Variants in MGLL observed in about 807,000 individuals in gnomAD.
The protein encoded by MGLL is lysophospholipase homolog.
In MGLL, 7 loss-of-function variants were observed where a neutral mutation model predicts 29.1. The observed-to-expected ratio is 0.24, with a 90% CI of 0.14 to 0.45. The LOEUF is 0.45. Ranked by LOEUF, MGLL falls within the 20% of genes least tolerant of loss-of-function variation. The probability of loss-of-function intolerance (pLI) is 0.99; values close to 1 mark genes in which losing one functional copy is unlikely to be tolerated. For synonymous variants in MGLL, 148 were observed against 168.3 expected (o/e 0.88, Z 0.93); for missense variants, 356 against 413.6 (o/e 0.86, Z 1.21).
intron 2 of MGLL, among the ~76,000 whole-genome samples, chr3:127,786,200 T>G (rs879445892): frequency 6.6e-6 from 1 of 152,162 alleles, no homozygotes; most frequent in Non-Finnish European, 1.5e-5. Flanking sequence ...TTGTGAGGAT[T>G]GCAGGGCTGC....
At chr3:127,722,087 C>T (rs2075937106) in intron 4 of MGLL, among the ~76,000 whole-genome samples, 1 of 152,216 alleles carries the variant, frequency 6.6e-6, no homozygotes, top group African/African-American at 2.4e-5. Flanking sequence ...GGTTTGGGGA[C>T]ATTTCATGTG....
chr3:127,712,913 C>G (rs1460571965), intron 5 of MGLL: 1 of 152,238 alleles, frequency 6.6e-6, no homozygotes, highest in Admixed American at 6.5e-5. Context: ...GGGAGCTCGT[C>G]TGCATTGGGA....
intron 3 of MGLL, among the ~76,000 whole-genome samples, chr3:127,731,880 T>G (rs1006663187): frequency 2.6e-5 from 4 of 152,222 alleles, no homozygotes; most frequent in Admixed American, 2.6e-4. Flanking sequence ...CATATCCAAT[T>G]AAAACAGATC....
At chr3:127,797,674 C>A (rs1357136440) in intron 2 of MGLL, among the ~76,000 whole-genome samples, 1 of 152,212 alleles carries the variant, frequency 6.6e-6, no homozygotes, top group Non-Finnish European at 1.5e-5. Context: ...GTGGTGTAAT[C>A]ATGGCTCACT....
chr3:127,747,613 C>T (rs997714356), intron 3 of MGLL, among the ~76,000 whole-genome samples: 2 of 152,188 alleles, frequency 1.3e-5, no homozygotes, highest in Admixed American at 1.3e-4. Flanking sequence ...TAAGAGGCCA[C>T]GGAGACTTGT....
intron 2 of MGLL, 98 bp from the exon 3 acceptor site, chr3:127,781,993 G>A (rs1344106687): frequency 1.8e-6 from 2 of 1,115,350 alleles, no homozygotes; most frequent in Non-Finnish European, 2.7e-6. Flanking sequence ...GGCCGGGGCG[G>A]GCGGATTGCC....
intron 2 of MGLL, among the ~76,000 whole-genome samples, chr3:127,790,453 C>G (rs1279394217): frequency 6.6e-6 from 1 of 152,120 alleles, no homozygotes; most frequent in Non-Finnish European, 1.5e-5. Context: ...ATTTGAAGAC[C>G]TTTCTTAACC....
chr3:127,763,673 G>T (rs1478784727), intron 3 of MGLL, among the ~76,000 whole-genome samples: 1 of 152,210 alleles, frequency 6.6e-6, no homozygotes, highest in African/African-American at 2.4e-5. Context: ...TGTGCCCTAA[G>T]CTCGGCCACT....
At position 127,691,744 on chromosome 3, in the gene MGLL, A is replaced by G. The variant is rs1229801782; in HGVS notation, c.*454T>C. ...CCCCTATGGAGACAGCAACCACCTC[A>G]TCACACGGCCAGAGGAAGGCCACCA... On this transcript the variant is annotated 3_prime_UTR_variant, in exon 8 of 8. Transcript: ENST00000265052. 1.4e-5 allele frequency: 3 copies of G among 217,882 alleles called. No homozygotes were observed. In the East Asian group the frequency reaches 4.0e-4, roughly 29 times the overall value. The allele number at this position is 217,882 out of a possible 1,614,324, so 13.5% of individuals were successfully genotyped here.
intron 3 of MGLL, among the ~76,000 whole-genome samples, chr3:127,725,239 CCTT>C (rs1196132572): frequency 6.6e-6 from 1 of 152,168 alleles, no homozygotes; most frequent in African/African-American, 2.4e-5. Flanking sequence ...TGGCTCTCCT[CCTT>C]CTCATCTGGC....
intron 3 of MGLL, among the ~76,000 whole-genome samples, chr3:127,778,486 G>A (rs1576277632): frequency 1.3e-5 from 2 of 152,192 alleles, no homozygotes; most frequent in South Asian, 4.1e-4. Flanking sequence ...CAGATCACAC[G>A]GCTTGGACTC....
At chr3:127,760,074 G>T (rs934294008) in intron 3 of MGLL, among the ~76,000 whole-genome samples, 2 of 152,204 alleles carry the variant, frequency 1.3e-5, no homozygotes, top group African/African-American at 2.4e-5. Context: ...GAGAGCGCTG[G>T]ATGTGCACAC....
chr3:127,777,125 A>G (rs2077050134), intron 3 of MGLL, among the ~76,000 whole-genome samples: 1 of 152,136 alleles, frequency 6.6e-6, no homozygotes. Flanking sequence ...TTCACACCTC[A>G]CCCAGAACAA....
chr3:127,771,634 G>A (rs1273130310), intron 3 of MGLL, among the ~76,000 whole-genome samples: 2 of 152,170 alleles, frequency 1.3e-5, no homozygotes, highest in Non-Finnish European at 2.9e-5. Flanking sequence ...GGGATTACAG[G>A]TGTGAGCCAC....
chr3:127,693,944 C>T (rs1224540338), intron 7 of MGLL, among the ~76,000 whole-genome samples: 2 of 152,178 alleles, frequency 1.3e-5, no homozygotes, highest in Non-Finnish European at 2.9e-5. Flanking sequence ...GTGATGCTCT[C>T]ATGGATGAAT....
At chr3:127,784,025 C>T (rs1161267053) in intron 2 of MGLL, 1 of 152,262 alleles carries the variant, frequency 6.6e-6, no homozygotes, top group East Asian at 1.9e-4. Flanking sequence ...TCTCCAGCCT[C>T]TCATCGCAGC....
At chr3:127,804,516 C>T (rs533412895) in intron 2 of MGLL, among the ~76,000 whole-genome samples, 2 of 152,302 alleles carry the variant, frequency 1.3e-5, no homozygotes, top group Middle Eastern at 6.8e-3. Context: ...CATGGTAGAG[C>T]CCACAGGTCA....
At chr3:127,804,316 G>C (rs4974415) in intron 2 of MGLL, among the ~76,000 whole-genome samples, 12,378 of 152,312 alleles carry the variant, frequency 0.081, 580 homozygotes, top group Middle Eastern at 0.12. Flanking sequence ...GCAGGGCCAC[G>C]GGGCGGACCA....
At chr3:127,778,465 TA>T (rs1464169138) in intron 3 of MGLL, among the ~76,000 whole-genome samples, 5 of 152,210 alleles carry the variant, frequency 3.3e-5, no homozygotes, top group Admixed American at 2.0e-4. Flanking sequence ...TGGGGATAGT[TA>T]AACAAGGTGC....
Sources: gnomAD v4.1 joint callset for allele counts (sites outside exome capture counted in the v4.1 genomes callset) on GRCh38, gnomAD v4.1.1 for gene constraint, MANE v1.5 for transcripts, NCBI Gene and HGNC (gene_info 2026-07-23, HGNC 2026-07-21) for gene names.